The following SPG11 variants were observed in gnomAD, a reference collection of about 807,000 sequenced individuals.
SPG11 encodes the protein SPG11 vesicle trafficking associated, spatacsin.
Under a neutral mutation model 274.0 loss-of-function variants are expected in SPG11, and 222 were observed. That is an observed-to-expected ratio of 0.81 (90% confidence interval 0.73 to 0.91). SPG11 has a LOEUF of 0.91. SPG11 is among the 40% of genes least tolerant of loss of function. The pLI is 0.00. For missense variants in SPG11, 3,114 were observed against 2,872.7 expected, an observed-to-expected ratio of 1.08 and a Z score of -1.92; for synonymous variants, 1,144 against 1,039.7, an observed-to-expected ratio of 1.10 and a Z score of -1.93.
chr15:44,562,951 G>C lies in SPG11; in HGVS notation c.*170C>G. 1.6e-6 allele frequency: 1 copy of C among 616,048 alleles called. No homozygotes were observed. The highest frequency in any genetic ancestry group is 2.9e-6 in the Non-Finnish European group (1 of 350,606). The allele number at this position is 616,048 out of a possible 1,614,324, so 38.2% of individuals were successfully genotyped here. A position where few individuals can be genotyped will look rare whatever the true frequency, so the allele number is the denominator to read the frequency against. On this transcript the variant is annotated 3_prime_UTR_variant, in exon 40 of 40. Transcript: ENST00000261866. ...TCTAAAATCAATCTATTTTAAATAG[G>C]AATTTCCTCCTGAAAAGTTTCTTAC...
chr15:44,630,665 C>T (rs998523465), intron 8 of SPG11, among the ~76,000 whole-genome samples: 8 of 152,068 alleles, frequency 5.3e-5, no homozygotes, highest in South Asian at 4.1e-4. Context: ...CTGCAACCTC[C>T]GCCTCCTCCC....
At chr15:44,569,113 C>T (rs964420761) in intron 35 of SPG11, among the ~76,000 whole-genome samples, 9 of 149,396 alleles carry the variant, frequency 6.0e-5, no homozygotes, top group Non-Finnish European at 5.9e-5. Context: ...GATGTTGCGC[C>T]GAGATCACGC....
chr15:44,651,853 T>G lies in SPG11; in HGVS notation c.1094A>C (p.Asp365Ala). The G allele has an allele frequency of 6.2e-7, 1 of 1,613,920 alleles. No individual in the cohort carries two copies. The highest frequency in any genetic ancestry group is 8.5e-7 in the Non-Finnish European group (1 of 1,179,878). The stretch of plus-strand genomic sequence containing the variant: ...TTCAGGTGACTCCAAATGCAAAATA[T>G]CCTGGAACCATGGAGCACAACAGGA... Reference protein sequence around the residue: ...EVSCCAPWFQDILHLESPESG... With the variant: ...EVSCCAPWFQAILHLESPESG... The change falls in exon 6 of 40, where the codon GAT becomes GCT. Residue 365 changes from aspartate to alanine, a missense_variant. Asp to Ala is a moderately radical substitution (Grantham distance 126, BLOSUM62 -2). Transcript: ENST00000261866.
chr15:44,601,267 A>T (rs58350899), intron 20 of SPG11, among the ~76,000 whole-genome samples: 7,779 of 148,782 alleles, frequency 0.052, 511 homozygotes, highest in East Asian at 0.19. Context: ...TTGATTTTTT[A>T]TTTTTTTTTT....
chr15:44,618,962 G>A (rs1290514454), intron 15 of SPG11, among the ~76,000 whole-genome samples: 1 of 152,150 alleles, frequency 6.6e-6, no homozygotes, highest in African/African-American at 2.4e-5. Flanking sequence ...GTGGTATAGA[G>A]TTCATTAATT....
chr15:44,612,135 T>C (rs1451366872), intron 17 of SPG11, among the ~76,000 whole-genome samples: 1 of 152,150 alleles, frequency 6.6e-6, no homozygotes, highest in Non-Finnish European at 1.5e-5. Context: ...TTTAAGAATG[T>C]GGGAAAATTC....
chr15:44,634,542 C>T (rs1185055866), intron 7 of SPG11, among the ~76,000 whole-genome samples: 3 of 151,916 alleles, frequency 2.0e-5, no homozygotes, highest in South Asian at 4.2e-4. Context: ...ACTCGGCCTC[C>T]GAAATTGCTG....
In SPG11 at chr15:44,628,850, G is replaced by A. The variant is rs1322622893; in HGVS notation, c.1892-6C>T. The A allele has an allele frequency of 1.2e-6, 2 of 1,611,908 alleles. No individual in the cohort carries two copies. The highest frequency in any genetic ancestry group is 1.7e-6 in the Non-Finnish European group (2 of 1,179,450). On this transcript the variant is annotated splice_polypyrimidine_tract_variant and splice_region_variant and intron_variant, in intron 9 of 39. Transcript: ENST00000261866. ...TTGCAGATGTTCATCTAGTTCTATG[G>A]AAAATACCAATGTGCCAATTTGTGT... is the stretch of plus-strand genomic sequence containing the variant.
In SPG11 at chr15:44,571,205, G is replaced by A. The variant is rs7170216; in HGVS notation, c.6344-547C>T. Among the ~76,000 whole-genome samples, 907 of 152,304 alleles carry A rather than the reference G, an allele frequency of 6.0e-3. 26 individuals are homozygous for A. In the East Asian group the frequency reaches 0.088, roughly 15 times the overall value. The stretch of plus-strand genomic sequence containing the variant: ...AGGTTCTCCATCCTTAAAACATGCT[G>A]TAGCCTCTGGGCTTTTGCATCTGCA... On this transcript the variant is annotated intron_variant, in intron 33 of 39. Coordinates refer to ENST00000261866, the MANE Select transcript of SPG11 (RefSeq NM_025137.4).
intron 7 of SPG11, among the ~76,000 whole-genome samples, chr15:44,636,964 A>AAAAAAAAAG (rs2084293954): frequency 6.8e-6 from 1 of 146,284 alleles, no homozygotes; most frequent in Non-Finnish European, 1.5e-5. Flanking sequence ...AAAACAAAAA[A>AAAAAAAAAG]AAAACACAAA....
intron 1 of SPG11, among the ~76,000 whole-genome samples, chr15:44,662,788 T>C (rs771236405): frequency 5.3e-5 from 8 of 152,206 alleles, no homozygotes; most frequent in Non-Finnish European, 1.0e-4. Context: ...GTAATCATGT[T>C]TGTCTTCCCC....
intron 3 of SPG11, among the ~76,000 whole-genome samples, chr15:44,658,223 AAAAACCATT>A (rs2084995751): frequency 1.3e-5 from 2 of 152,230 alleles, no homozygotes; most frequent in Admixed American, 6.5e-5. Flanking sequence ...TACAAAATAT[AAAAACCATT>A]ATTTTAATTC....
intron 21 of SPG11, 178 bp downstream of exon 21, chr15:44,600,289 T>G (rs1007412747): frequency 1.6e-6 from 1 of 616,710 alleles, no homozygotes; most frequent in Non-Finnish European, 2.8e-6. Flanking sequence ...TATTTTATTT[T>G]ACTTTTTTTG....
At chr15:44,660,986 T>TA (rs1385509355) in intron 1 of SPG11, among the ~76,000 whole-genome samples, 1 of 152,208 alleles carries the variant, frequency 6.6e-6, no homozygotes. Flanking sequence ...GTATTCACAA[T>TA]AAAATAGGCT....
At chr15:44,648,006 T>C (rs1380448187) in intron 7 of SPG11, among the ~76,000 whole-genome samples, 1 of 152,232 alleles carries the variant, frequency 6.6e-6, no homozygotes, top group Non-Finnish European at 1.5e-5. Flanking sequence ...CCCTTGATTC[T>C]AGCTCCTGTC....
At chr15:44,653,152 T>A (rs151015041) in intron 4 of SPG11, among the ~76,000 whole-genome samples, 1 of 152,040 alleles carries the variant, frequency 6.6e-6, no homozygotes, top group African/African-American at 2.4e-5. Context: ...CAGGGCCCCA[T>A]AGGCTATTAA....
At chr15:44,604,657 G>A (rs1239446552) in intron 20 of SPG11, among the ~76,000 whole-genome samples, 4 of 151,936 alleles carry the variant, frequency 2.6e-5, no homozygotes, top group African/African-American at 7.2e-5. Context: ...GGTTGGGTGC[G>A]GTGGCTCACG....
intron 30 of SPG11, among the ~76,000 whole-genome samples, chr15:44,578,238 G>A (rs1440130434): frequency 6.8e-6 from 1 of 146,274 alleles, no homozygotes; most frequent in African/African-American, 2.5e-5. Context: ...GTTTCACTGT[G>A]TTAGCCAGGA....
Position 44,660,444 on chromosome 15 carries a change from C to G in SPG11, c.430G>C (p.Asp144His). ...TGTAGATACTTACTGATATCTTGAT[C>G]GTCAATGAGCTTTTGCAATGCCTCC... is the stretch of plus-strand genomic sequence containing the variant. Reference protein sequence around the residue: ...SREALQKLIDDQDISISLLSL... With the variant: ...SREALQKLIDHQDISISLLSL... Residue 144 changes from aspartate to histidine, a missense_variant, in exon 2 of 40, where the codon GAT becomes CAT. By Grantham distance (81) the Asp-to-His change is moderately conservative. Transcript: ENST00000261866. 6.2e-7 allele frequency: 1 copy of G among 1,613,508 alleles called. No homozygotes were observed. The highest frequency in any genetic ancestry group is 8.5e-7 in the Non-Finnish European group (1 of 1,179,734).
Sources: gnomAD v4.1 joint callset for allele counts (sites outside exome capture counted in the v4.1 genomes callset) on GRCh38, gnomAD v4.1.1 for gene constraint, MANE v1.5 for transcripts, NCBI Gene and HGNC (gene_info 2026-07-23, HGNC 2026-07-21) for gene names.